CYSTM1: variants seen among roughly 807,000 people sequenced by gnomAD.
CYSTM1 encodes the protein cysteine-rich transmembrane module-containing protein 1.
A neutral mutation model predicts 13.1 loss-of-function variants in CYSTM1; 4 were observed. That is an observed-to-expected ratio of 0.31 (90% CI 0.15 to 0.70). The LOEUF (loss-of-function observed/expected upper bound fraction) is 0.70. CYSTM1 is among the 30% of genes least tolerant of loss of function. CYSTM1 has a pLI of 0.72. For synonymous variants in CYSTM1, 36 were observed against 42.7 expected (o/e 0.84, Z 0.62); for missense variants, 96 against 121.6 (o/e 0.79, Z 0.99).
chr5:140,187,654 C>G (rs937783151), intron 1 of CYSTM1, among the ~76,000 whole-genome samples: 1 of 152,218 alleles, frequency 6.6e-6, no homozygotes. Flanking sequence ...AGGTGTGAAC[C>G]ATGGTGCCTG....
chr5:140,233,468 G>A (rs932321105), intron 2 of CYSTM1, among the ~76,000 whole-genome samples: 1 of 152,148 alleles, frequency 6.6e-6, no homozygotes, highest in African/African-American at 2.4e-5. Context: ...TTGACGTTCA[G>A]GTTTTTGTGT....
chr5:140,178,087 A>G (rs1164006963), intron 1 of CYSTM1, among the ~76,000 whole-genome samples: 2 of 152,236 alleles, frequency 1.3e-5, no homozygotes, highest in Non-Finnish European at 2.9e-5. Context: ...ACAAACTATA[A>G]TAAACAACAG....
rs1035186635 is a variant in CYSTM1 at position 140,175,900 on chromosome 5, G to A, written c.-21+615G>A. 6.6e-6 allele frequency among the ~76,000 whole-genome samples: 1 copy of A among 152,204 alleles called. No homozygotes were observed. Among genetic ancestry groups the A allele is most frequent in the Non-Finnish European group, 1.5e-5 (1 of 68,018 alleles). On this transcript the variant is annotated intron_variant, in intron 1 of 2. Coordinates refer to ENST00000261811, the MANE Select transcript of CYSTM1 (RefSeq NM_032412.4). The surrounding 1 kb of genome is among the most constrained non-coding windows in gnomAD (Gnocchi z 4.9). Reference sequence around the variant, plus strand: ...GATTGGGATCTGAGCGGACCTGTTGGAGGAAGTGAAATCTGAGCGGGGTCC... The same window carrying A: ...GATTGGGATCTGAGCGGACCTGTTGAAGGAAGTGAAATCTGAGCGGGGTCC...
At chr5:140,209,104 C>G (rs1764332964) in intron 2 of CYSTM1, among the ~76,000 whole-genome samples, 2 of 151,908 alleles carry the variant, frequency 1.3e-5, no homozygotes, top group African/African-American at 4.8e-5. Flanking sequence ...GAAACCTTGC[C>G]TAATTTAACC....
At chr5:140,187,865 G>A (rs1317147027) in intron 1 of CYSTM1, among the ~76,000 whole-genome samples, 1 of 151,050 alleles carries the variant, frequency 6.6e-6, no homozygotes, top group Non-Finnish European at 1.5e-5. Context: ...GAAGCAGAAA[G>A]AAAACATTTG....
At chr5:140,217,151 T>C (rs1306483280) in intron 2 of CYSTM1, among the ~76,000 whole-genome samples, 1 of 152,156 alleles carries the variant, frequency 6.6e-6, no homozygotes, top group East Asian at 1.9e-4. Flanking sequence ...TTGAAATGAG[T>C]CCATTTGCTA....
chr5:140,210,954 A>G (rs1461567406), intron 2 of CYSTM1, among the ~76,000 whole-genome samples: 1 of 152,192 alleles, frequency 6.6e-6, no homozygotes, highest in Non-Finnish European at 1.5e-5. Context: ...TTGGAACTAT[A>G]AAGAACTCTC....
At chr5:140,215,758 G>A (rs1163756249) in intron 2 of CYSTM1, among the ~76,000 whole-genome samples, 1 of 152,042 alleles carries the variant, frequency 6.6e-6, no homozygotes, top group Non-Finnish European at 1.5e-5. Context: ...CTACATAAAA[G>A]TGTTGTTAGT....
intron 1 of CYSTM1, among the ~76,000 whole-genome samples, chr5:140,177,056 G>A (rs1369393220): frequency 9.3e-5 from 7 of 75,362 alleles, no homozygotes; most frequent in Admixed American, 6.2e-4. Context: ...GCGACAGAGC[G>A]AGACTCTGTC....
chr5:140,205,024 T>C (rs1764280840), intron 2 of CYSTM1, among the ~76,000 whole-genome samples: 1 of 152,210 alleles, frequency 6.6e-6, no homozygotes, highest in African/African-American at 2.4e-5. Flanking sequence ...AGTTCTACTT[T>C]AGCACAGTCC....
chr5:140,182,649 T>C (rs1184405824), intron 1 of CYSTM1, among the ~76,000 whole-genome samples: 1 of 151,582 alleles, frequency 6.6e-6, no homozygotes, highest in African/African-American at 2.4e-5. Context: ...TTTTAACTCA[T>C]CAATAACCCA....
chr5:140,234,940 T>C lies in CYSTM1; in HGVS notation c.188-8365T>C, dbSNP rs182500021. On this transcript the variant is annotated intron_variant, in intron 2 of 2. Transcript: ENST00000261811. ...TTTTCTCTAGATTTTCCTTAATTTC[T>C]TCTGCCTGGTATATCAGCCTCATTC... Among the ~76,000 whole-genome samples the C allele has an allele frequency of 7.2e-4, 110 of 151,870 alleles. No individual in the cohort carries two copies. The Middle Eastern group carries it at 0.02, about 28-fold the overall frequency.
rs568345698 is a variant in CYSTM1 at position 140,175,629 on chromosome 5, G to A, written c.-21+344G>A. Among the ~76,000 whole-genome samples the A allele has an allele frequency of 6.6e-6, 1 of 152,392 alleles. No homozygotes were observed. The highest frequency in any genetic ancestry group is 1.9e-4 in the East Asian group (1 of 5,180). ...CGGGGCTCGCCACACCCCGTCCCGG[G>A]GGACGTCCGCGGGAGGCTTCTGGAT... On this transcript the variant is annotated intron_variant, in intron 1 of 2. Transcript: ENST00000261811. The surrounding 1 kb of genome is among the most constrained non-coding windows in gnomAD (Gnocchi z 4.9).
chr5:140,210,579 C>A (rs1764356252), intron 2 of CYSTM1, among the ~76,000 whole-genome samples: 1 of 151,338 alleles, frequency 6.6e-6, no homozygotes, highest in Non-Finnish European at 1.5e-5. Context: ...AGTGGTGCAA[C>A]TTTGGCTCAC....
intron 2 of CYSTM1, among the ~76,000 whole-genome samples, chr5:140,211,894 C>A (rs775873719): frequency 2.3e-4 from 35 of 152,178 alleles, no homozygotes; most frequent in Non-Finnish European, 3.5e-4. Flanking sequence ...TTGCAGTGAG[C>A]CAAGATGTCG....
intron 2 of CYSTM1, among the ~76,000 whole-genome samples, chr5:140,195,181 G>C (rs930490706): frequency 6.6e-6 from 1 of 152,154 alleles, no homozygotes; most frequent in Non-Finnish European, 1.5e-5. Flanking sequence ...TCAGTCTGTA[G>C]ACAAATGCCA....
intron 2 of CYSTM1, among the ~76,000 whole-genome samples, chr5:140,223,782 G>C (rs906425679): frequency 3.3e-5 from 5 of 152,228 alleles, no homozygotes; most frequent in African/African-American, 1.2e-4. Context: ...TATGAGGCAA[G>C]GGGGCACTTT....
At chr5:140,179,170 G>A (rs1213385138) in intron 1 of CYSTM1, among the ~76,000 whole-genome samples, 1 of 151,962 alleles carries the variant, frequency 6.6e-6, no homozygotes, top group Non-Finnish European at 1.5e-5. Flanking sequence ...TGAGGTGGGA[G>A]GATCGCTGGA....
At chr5:140,194,770 C>G (rs1764135767) in intron 2 of CYSTM1, 118 bp downstream of exon 2, 2 of 1,292,036 alleles carry the variant, frequency 1.5e-6, no homozygotes, top group African/African-American at 1.5e-5. Context: ...TTGATGTCCC[C>G]AAAGCTTGAT....
Sources: allele counts gnomAD v4.1 joint callset (sites outside exome capture counted in the v4.1 genomes callset), GRCh38; gene constraint gnomAD v4.1.1; non-coding constraint Gnocchi (gnomAD v3.1); transcripts MANE v1.5; gene names NCBI Gene and HGNC (gene_info 2026-07-23, HGNC 2026-07-21).